The following PTPRA variants were observed in gnomAD, a reference collection of about 807,000 sequenced individuals.
PTPRA encodes receptor-type tyrosine-protein phosphatase alpha.
Under a neutral mutation model 104.8 loss-of-function variants are expected in PTPRA, and 25 were observed. The observed-to-expected ratio is 0.24, with a 90% CI of 0.17 to 0.33. The LOEUF (loss-of-function observed/expected upper bound fraction) is 0.33, where lower values mean the gene tolerates loss of function less well. Ranked by LOEUF, PTPRA falls within the 10% of genes least tolerant of loss-of-function variation. The pLI is 1.00. For missense variants in PTPRA, 765 were observed against 1,015.3 expected, an observed-to-expected ratio of 0.75 and a Z score of 3.35; for synonymous variants, 323 against 368.9, an observed-to-expected ratio of 0.88 and a Z score of 1.43.
At chr20:3,023,311 A>G (rs536534487) in intron 16 of PTPRA, among the ~76,000 whole-genome samples, 6 of 152,344 alleles carry the variant, frequency 3.9e-5, no homozygotes, top group Non-Finnish European at 7.3e-5. Flanking sequence ...AGCCTGAGAT[A>G]TGCCCTCGTG....
chr20:2,942,338 T>C (rs2060951825), intron 2 of PTPRA, among the ~76,000 whole-genome samples: 2 of 152,194 alleles, frequency 1.3e-5, no homozygotes, highest in Admixed American at 1.3e-4. Flanking sequence ...AAAGTTATTT[T>C]CTTTTTTGTG....
chr20:2,873,324 G>C (rs2089476077), upstream of PTPRA: 1 of 152,204 alleles, frequency 6.6e-6, no homozygotes, highest in Admixed American at 6.5e-5. This position sits in a 1 kb window ranked among gnomAD's most constrained non-coding sequence, Gnocchi z 4.4. Context: ...GGAGCTACCA[G>C]GAGAACGTGC....
chr20:2,903,548 G>A (rs533678749), intron 1 of PTPRA, among the ~76,000 whole-genome samples: 74 of 152,168 alleles, frequency 4.9e-4, no homozygotes, highest in Admixed American at 1.4e-3. Context: ...TTAGTTGGGC[G>A]CGGTGGTTAT....
intron 2 of PTPRA, among the ~76,000 whole-genome samples, chr20:2,929,909 A>T (rs1294054196): frequency 6.6e-6 from 1 of 152,200 alleles, no homozygotes; most frequent in African/African-American, 2.4e-5. Context: ...GTGTCCTTGT[A>T]AGAAAAGGAA....
intron 2 of PTPRA, among the ~76,000 whole-genome samples, chr20:2,944,147 T>A (rs556044438): frequency 6.6e-6 from 1 of 151,886 alleles, no homozygotes; most frequent in South Asian, 2.1e-4. Flanking sequence ...CTCAAGCAAT[T>A]GTCCTGTCTC....
At chr20:2,900,890 T>A (rs1324783295) in intron 1 of PTPRA, among the ~76,000 whole-genome samples, 9 of 152,002 alleles carry the variant, frequency 5.9e-5, no homozygotes, top group Admixed American at 5.2e-4. Context: ...TCCAAAATTT[T>A]AAAAATTTAC....
intron 5 of PTPRA, among the ~76,000 whole-genome samples, chr20:2,973,403 T>C (rs1288482820): frequency 6.6e-6 from 1 of 152,194 alleles, no homozygotes; most frequent in African/African-American, 2.4e-5. Context: ...CCCATAGGTG[T>C]TTCTATAGGC....
intron 1 of PTPRA, among the ~76,000 whole-genome samples, chr20:2,903,106 C>T (rs929068667): frequency 1.3e-5 from 2 of 152,200 alleles, no homozygotes; most frequent in African/African-American, 4.8e-5. Context: ...TGAATGCCTA[C>T]ATGACTGCTC....
chr20:2,990,132 A>G (rs2063106581), intron 9 of PTPRA, among the ~76,000 whole-genome samples: 1 of 152,226 alleles, frequency 6.6e-6, no homozygotes. Flanking sequence ...GTGCTAGTAG[A>G]TTGACCTAAT....
At chr20:2,901,277 TC>T (rs34003662) in intron 1 of PTPRA, among the ~76,000 whole-genome samples, 6 of 152,218 alleles carry the variant, frequency 3.9e-5, no homozygotes, top group Admixed American at 1.3e-4. Context: ...CCTTTTTTTT[TC>T]CCTTGAGGAG....
chr20:2,936,660 A>G (rs1165038462), intron 2 of PTPRA, among the ~76,000 whole-genome samples: 1 of 151,910 alleles, frequency 6.6e-6, no homozygotes, highest in Non-Finnish European at 1.5e-5. Flanking sequence ...TTTGGTAGAG[A>G]CAGGGTTTTG....
chr20:2,979,556 A>T (rs908022435), intron 6 of PTPRA, among the ~76,000 whole-genome samples: 2 of 152,164 alleles, frequency 1.3e-5, no homozygotes, highest in African/African-American at 4.8e-5. Context: ...GGGCAGACTC[A>T]TGCTCTGTCG....
At chr20:3,026,318 G>T (rs2148460619) in intron 17 of PTPRA, among the ~76,000 whole-genome samples, 1 of 152,300 alleles carries the variant, frequency 6.6e-6, no homozygotes, top group South Asian at 2.1e-4. Flanking sequence ...TCAAGAAGGA[G>T]CCTCAATCGG....
intron 1 of PTPRA, among the ~76,000 whole-genome samples, chr20:2,910,610 A>ATTTTTTTT (rs1352753968): frequency 3.5e-4 from 16 of 45,380 alleles, no homozygotes; most frequent in South Asian, 7.7e-4. Flanking sequence ...GTTTTTTTTA[A>ATTTTTTTT]TTTTTTTTTT....
chr20:3,024,055 G>A (rs764358678), intron 16 of PTPRA, among the ~76,000 whole-genome samples: 4 of 152,212 alleles, frequency 2.6e-5, no homozygotes, highest in Non-Finnish European at 5.9e-5. Context: ...GAGACATGAT[G>A]AAGCTCGGCC....
intron 2 of PTPRA, among the ~76,000 whole-genome samples, chr20:2,932,559 G>T (rs1340592436): frequency 6.6e-6 from 1 of 152,200 alleles, no homozygotes; most frequent in Non-Finnish European, 1.5e-5. Flanking sequence ...GCCTTAAAAA[G>T]GATGAGGGAA....
At chr20:3,028,037 C>T (rs566914720) in intron 20 of PTPRA, among the ~76,000 whole-genome samples, 196 bp downstream of exon 20, 33 of 152,266 alleles carry the variant, frequency 2.2e-4, no homozygotes, top group African/African-American at 7.7e-4. Context: ...TTGCCCAGCC[C>T]GTTGGTGTCT....
intron 12 of PTPRA, among the ~76,000 whole-genome samples, chr20:3,016,896 C>T (rs2064486076): frequency 6.6e-6 from 1 of 152,204 alleles, no homozygotes; most frequent in Non-Finnish European, 1.5e-5. Context: ...AGAGCACCTC[C>T]CCCTCAGTCA....
chr20:2,959,787 C>T (rs1214646280), intron 3 of PTPRA, among the ~76,000 whole-genome samples: 1 of 152,036 alleles, frequency 6.6e-6, no homozygotes, highest in Non-Finnish European at 1.5e-5. Flanking sequence ...CCCATGTCTA[C>T]TAACAATACA....
Sources: allele counts gnomAD v4.1 joint callset (sites outside exome capture counted in the v4.1 genomes callset), GRCh38; gene constraint gnomAD v4.1.1; non-coding constraint Gnocchi (gnomAD v3.1); transcripts MANE v1.5; gene names NCBI Gene and HGNC (gene_info 2026-07-23, HGNC 2026-07-21).